The following PPFIBP1 variants were observed in gnomAD, a reference collection of about 807,000 sequenced individuals.
The protein encoded by PPFIBP1 is liprin-beta-1.
A neutral mutation model predicts 137.8 loss-of-function variants in PPFIBP1; 112 were observed. The ratio of observed to expected loss-of-function variants is 0.81; its 90% CI spans 0.70 to 0.95. PPFIBP1 has a LOEUF of 0.95. Among genes scored for constraint, PPFIBP1 ranks in the 40% least tolerant of loss-of-function variants. The pLI is 0.00. For missense variants in PPFIBP1, 1,083 were observed against 1,196.6 expected, an observed-to-expected ratio of 0.91 and a Z score of 1.40; for synonymous variants, 378 against 417.3, an observed-to-expected ratio of 0.91 and a Z score of 1.15.
chr12:27,552,111 G>T (rs972225676), intron 1 of PPFIBP1, among the ~76,000 whole-genome samples: 1 of 152,190 alleles, frequency 6.6e-6, no homozygotes, highest in African/African-American at 2.4e-5. Flanking sequence ...CTCACACAGC[G>T]TTTGTTCTGA....
In PPFIBP1 at chr12:27,680,020, G is replaced by A; in HGVS notation, c.1854G>A (p.Gly618=). The change falls in exon 21 of 30, where the codon GGG becomes GGA. Residue 618 remains glycine, a synonymous_variant. Coordinates refer to ENST00000228425, the MANE Select transcript of PPFIBP1 (RefSeq NM_003622.4). The stretch of plus-strand genomic sequence containing the variant: ...GAGGAGGGACAAGGGCAACCGCGGG[G>A]CCCCGATTAGGTTGGTCTCGAGACT... The part of the protein sequence containing the change: ...FKRGGTRATA[G]PRLGWSRDLG... The A allele has an allele frequency of 6.2e-7, 1 of 1,614,094 alleles. No individual in the cohort carries two copies. The highest frequency in any genetic ancestry group is 8.5e-7 in the Non-Finnish European group (1 of 1,179,970).
In PPFIBP1 at chr12:27,624,467, A is replaced by G. The variant is rs998377853; in HGVS notation, c.-35-8895A>G. ...GCATCCTTTATTCGAGAAGTAAAAG[A>G]TCTTGGCTTATTGTATGAAACTTTT... On this transcript the variant is annotated intron_variant, in intron 2 of 29. Coordinates refer to ENST00000228425, the MANE Select transcript of PPFIBP1 (RefSeq NM_003622.4). Among the ~76,000 whole-genome samples, 7 of 152,368 alleles carry G rather than the reference A, an allele frequency of 4.6e-5. No homozygotes were observed. The East Asian group carries it at 1.3e-3, about 29-fold the overall frequency.
At chr12:27,652,731 C>T (rs2058949893) in intron 7 of PPFIBP1, among the ~76,000 whole-genome samples, 1 of 151,956 alleles carries the variant, frequency 6.6e-6, no homozygotes, top group East Asian at 1.9e-4. Flanking sequence ...CTGTAAAATA[C>T]AATAGCAGAT....
At chr12:27,614,301 C>A (rs2055501656) in intron 2 of PPFIBP1, among the ~76,000 whole-genome samples, 1 of 152,118 alleles carries the variant, frequency 6.6e-6, no homozygotes, top group Admixed American at 6.6e-5. Flanking sequence ...ATCACTTAAG[C>A]CCAGGAGGTT....
chr12:27,672,586 G>A lies in PPFIBP1; in HGVS notation c.1319+103G>A, dbSNP rs531034383. ...ATATTAACAGCAAATGACCGAGGCT[G>A]TTAAATTACTGAATAAATCAATGTA... On this transcript the variant is annotated intron_variant, in intron 15 of 29. Coordinates refer to ENST00000228425, the MANE Select transcript of PPFIBP1 (RefSeq NM_003622.4). 34 of 866,798 alleles carry A rather than the reference G, an allele frequency of 3.9e-5. No homozygotes were observed. In the East Asian group the frequency reaches 6.9e-4, roughly 18 times the overall value. The allele number at this position is 866,798 out of a possible 1,614,324, so 53.7% of individuals were successfully genotyped here.
intron 5 of PPFIBP1, 37 bp from the exon 6 acceptor site, chr12:27,647,692 C>T: frequency 7.4e-7 from 1 of 1,346,002 alleles, no homozygotes; most frequent in Non-Finnish European, 1.0e-6. Context: ...GACCCAAATT[C>T]TTTTTCACTC....
At chr12:27,540,459 C>CAA (rs201926488) in intron 1 of PPFIBP1, among the ~76,000 whole-genome samples, 10 of 104,604 alleles carry the variant, frequency 9.6e-5, no homozygotes, top group African/African-American at 1.1e-4. Context: ...CCTGTCTCTA[C>CAA]AAAAAAAAAA....
intron 2 of PPFIBP1, among the ~76,000 whole-genome samples, chr12:27,611,881 T>C (rs1486812696): frequency 6.6e-6 from 1 of 152,054 alleles, no homozygotes; most frequent in Non-Finnish European, 1.5e-5. Context: ...ATGACAGCAG[T>C]ACCTTGAACA....
chr12:27,602,679 C>T (rs1473262673), intron 2 of PPFIBP1, among the ~76,000 whole-genome samples: 1 of 152,184 alleles, frequency 6.6e-6, no homozygotes, highest in Non-Finnish European at 1.5e-5. Context: ...TGGTATTCAT[C>T]AGAGATAAAC....
At chr12:27,634,070 C>T (rs189322775) in intron 3 of PPFIBP1, among the ~76,000 whole-genome samples, 2 of 150,850 alleles carry the variant, frequency 1.3e-5, no homozygotes, top group African/African-American at 2.4e-5. Context: ...CTCCTGACCT[C>T]GTGATCCACT....
rs1195140127 is a variant in PPFIBP1 at position 27,652,530 on chromosome 12, T to C, written c.604-2192T>C. On this transcript the variant is annotated intron_variant, in intron 7 of 29. Coordinates refer to ENST00000228425, the MANE Select transcript of PPFIBP1 (RefSeq NM_003622.4). ...TTTAAAGTTTTACATTAGGGAGCCA[T>C]TTCCAGATTTTCCAGCTTGTGTTGT... Among the ~76,000 whole-genome samples, 7 of 152,230 alleles carry C rather than the reference T, an allele frequency of 4.6e-5. No individual in the cohort carries two copies. The South Asian group carries it at 8.3e-4, about 18-fold the overall frequency.
chr12:27,643,492 G>C (rs1484382376), intron 4 of PPFIBP1, among the ~76,000 whole-genome samples: 1 of 135,320 alleles, frequency 7.4e-6, no homozygotes, highest in Non-Finnish European at 1.6e-5. Context: ...TGAATTCAAG[G>C]AAGACCTCAC....
intron 15 of PPFIBP1, 49 bp downstream of exon 15, chr12:27,672,532 A>G: frequency 1.4e-6 from 2 of 1,392,136 alleles, no homozygotes; most frequent in South Asian, 1.2e-5. Flanking sequence ...GGCTAGAGAA[A>G]GAGAGTTCTG....
chr12:27,537,736 C>T (rs188350312), intron 1 of PPFIBP1, among the ~76,000 whole-genome samples: 81 of 151,974 alleles, frequency 5.3e-4, no homozygotes, highest in Non-Finnish European at 8.8e-4. Flanking sequence ...CCTTGTCCTG[C>T]GCTGGTGCCT....
intron 4 of PPFIBP1, among the ~76,000 whole-genome samples, chr12:27,642,843 A>G (rs2058209118): frequency 6.6e-6 from 1 of 152,150 alleles, no homozygotes; most frequent in African/African-American, 2.4e-5. Flanking sequence ...CAGGAAATCA[A>G]GGTTCCAAAG....
At chr12:27,610,173 T>C (rs545514428) in intron 2 of PPFIBP1, among the ~76,000 whole-genome samples, 1 of 152,300 alleles carries the variant, frequency 6.6e-6, no homozygotes, top group East Asian at 1.9e-4. Flanking sequence ...CAGGTCTAAA[T>C]AGGTTTGTCT....
intron 1 of PPFIBP1, among the ~76,000 whole-genome samples, chr12:27,554,134 A>C (rs1947052072): frequency 6.6e-6 from 1 of 152,256 alleles, no homozygotes; most frequent in Non-Finnish European, 1.5e-5. Context: ...TCTAGACATT[A>C]GCTCACAATC....
intron 1 of PPFIBP1, among the ~76,000 whole-genome samples, chr12:27,560,136 G>A: frequency 6.6e-6 from 1 of 152,186 alleles, no homozygotes; most frequent in East Asian, 1.9e-4. Context: ...ATATATTACT[G>A]CTTTTTCGTC....
In PPFIBP1 at chr12:27,599,895, C is replaced by T. The variant is rs188045111; in HGVS notation, c.-36+21656C>T. ...ACTACAAGAGACTAAGGAGAAGGAA[C>T]CACTAAATGGAATATGTGATTCTAG... On this transcript the variant is annotated intron_variant, in intron 2 of 29. Coordinates refer to ENST00000228425, the MANE Select transcript of PPFIBP1 (RefSeq NM_003622.4). Among the ~76,000 whole-genome samples the T allele has an allele frequency of 5.1e-3, 773 of 152,188 alleles. 7 individuals carry two copies. Among genetic ancestry groups the T allele is most frequent in the Middle Eastern group, 0.041 (12 of 294 alleles).
Sources: gnomAD v4.1 joint callset for allele counts (sites outside exome capture counted in the v4.1 genomes callset) on GRCh38, gnomAD v4.1.1 for gene constraint, MANE v1.5 for transcripts, NCBI Gene and HGNC (gene_info 2026-07-23, HGNC 2026-07-21) for gene names.